The following ENTPD6 variants were observed in gnomAD, a reference collection of about 807,000 sequenced individuals.
ENTPD6 encodes the protein CD39 antigen-like 2.
Under a neutral mutation model 61.5 loss-of-function variants are expected in ENTPD6, and 46 were observed. The ratio of observed to expected loss-of-function variants is 0.75; its 90% CI spans 0.59 to 0.96. The LOEUF is 0.96. ENTPD6 is among the 40% of genes least tolerant of loss of function. ENTPD6 has a pLI of 0.00. For missense variants in ENTPD6, 612 were observed against 629.0 expected (o/e 0.97, Z 0.29); for synonymous variants, 252 against 255.5 (o/e 0.99, Z 0.13).
chr20:25,213,104 G>T (rs1303391524), intron 4 of ENTPD6, among the ~76,000 whole-genome samples, 159 bp from the exon 5 acceptor site: 2 of 152,200 alleles, frequency 1.3e-5, no homozygotes, highest in African/African-American at 2.4e-5. Context: ...GGAATTCAAG[G>T]CTGCAAATGA....
At chr20:25,223,868 C>T (rs2092715943) in intron 12 of ENTPD6, 1 of 396,938 alleles carries the variant, frequency 2.5e-6, no homozygotes, top group Non-Finnish European at 4.5e-6. Flanking sequence ...TCGGGGGACA[C>T]TGCAGGGTTG....
chr20:25,220,087 C>T (rs2092562946), intron 10 of ENTPD6, among the ~76,000 whole-genome samples: 1 of 152,086 alleles, frequency 6.6e-6, no homozygotes, highest in Non-Finnish European at 1.5e-5. Flanking sequence ...ATGGTCTCCT[C>T]GTCAGGCTGT....
At chr20:25,208,299 T>C (rs1306014772) in intron 3 of ENTPD6, among the ~76,000 whole-genome samples, 3 of 152,344 alleles carry the variant, frequency 2.0e-5, no homozygotes, top group Non-Finnish European at 4.4e-5. Context: ...TATCTGCTTA[T>C]CTCTAAAAGT....
In ENTPD6 at chr20:25,221,240, G is replaced by A. The variant is rs1489129806; in HGVS notation, c.952G>A (p.Gly318Arg). The A allele has an allele frequency of 6.2e-7, 1 of 1,612,838 alleles. No homozygotes were observed. The highest frequency in any genetic ancestry group is 1.7e-5 in the Admixed American group (1 of 60,012). The change falls in exon 11 of 15, where the codon GGA becomes AGA. Residue 318 changes from glycine to arginine, a missense_variant. Transcript: ENST00000376652. ...GGVEGQPAKD[G>R]KELVSPCLSP... is the part of the protein sequence containing the mutation. Reference sequence around the variant, plus strand: ...TTTAATCTCTGTTTCAGCTAAGGATGGAAAGGAGTTGGTCAGCCCTTGCTT... The same window carrying A: ...TTTAATCTCTGTTTCAGCTAAGGATAGAAAGGAGTTGGTCAGCCCTTGCTT...
chr20:25,225,075 C>A, intron 13 of ENTPD6, 130 bp from the exon 14 acceptor site: 3 of 1,416,520 alleles, frequency 2.1e-6, no homozygotes, highest in Non-Finnish European at 2.8e-6. Flanking sequence ...CGCTCAGCTG[C>A]GGCCTTGTCT....
intron 10 of ENTPD6, among the ~76,000 whole-genome samples, chr20:25,220,995 C>G (rs1183173543): frequency 2.6e-5 from 4 of 152,226 alleles, no homozygotes; most frequent in African/African-American, 9.6e-5. Flanking sequence ...GGCCCAGTGC[C>G]TGGCACCCGG....
intron 12 of ENTPD6, 49 bp downstream of exon 12, chr20:25,223,027 C>CGGGGTGGGGGGGGCTGGGGGG: frequency 2.0e-6 from 1 of 490,374 alleles, no homozygotes. Context: ...CGGCAGGGGG[C>CGGGGTGGGGGGGGCTGGGGGG]GGGGGTGGAG....
chr20:25,204,189 G>T (rs373315806), intron 1 of ENTPD6, among the ~76,000 whole-genome samples: 1 of 152,294 alleles, frequency 6.6e-6, no homozygotes, highest in African/African-American at 2.4e-5. Flanking sequence ...CATGTGGCCA[G>T]AACTCCTGCT....
rs371563037 is a variant in ENTPD6, at chr20:25,225,563, A to G, written c.1421A>G (p.Asp474Gly). The G allele has an allele frequency of 2.5e-6, 4 of 1,613,286 alleles. No homozygotes were observed. In the African/African-American group the frequency reaches 5.4e-5, roughly 22 times the overall value. The change falls in exon 15 of 15, where the codon GAC becomes GGC. Residue 474 changes from aspartate (D) to glycine (G), a missense_variant. Physicochemically the swap from Asp to Gly is moderately conservative, Grantham distance 94. Coordinates refer to ENST00000376652, the MANE Select transcript of ENTPD6 (RefSeq NM_001247.5). ...WALGAIFHYI[D>G]SLNRQKSPAS Reference sequence around the variant, plus strand: ...CTGGGGGCCATTTTTCATTACATCGACTCCCTGAACAGACAGAAGAGTCCA... The same window carrying G: ...CTGGGGGCCATTTTTCATTACATCGGCTCCCTGAACAGACAGAAGAGTCCA...
intron 4 of ENTPD6, 78 bp from the exon 5 acceptor site, chr20:25,213,185 C>T: frequency 6.3e-7 from 1 of 1,585,002 alleles, no homozygotes; most frequent in Non-Finnish European, 8.6e-7. Context: ...CCAAAAAAAC[C>T]CAAAAGGGTG....
At chr20:25,196,429 CCTTCAGTGG>C (rs1038012519) in intron 1 of ENTPD6, among the ~76,000 whole-genome samples, 2 of 152,200 alleles carry the variant, frequency 1.3e-5, no homozygotes, top group African/African-American at 4.8e-5. Flanking sequence ...AGACTAGACT[CCTTCAGTGG>C]AAAACATTCA....
chr20:25,209,801 C>T, intron 3 of ENTPD6, 48 bp from the exon 4 acceptor site: 1 of 1,490,288 alleles, frequency 6.7e-7, no homozygotes. Context: ...TATGTGTTCT[C>T]CTGTGTGTAT....
intron 1 of ENTPD6, among the ~76,000 whole-genome samples, chr20:25,202,337 A>G (rs1054947648): frequency 6.6e-6 from 1 of 152,158 alleles, no homozygotes; most frequent in African/African-American, 2.4e-5. Flanking sequence ...TTTTTAATCT[A>G]TTCTGTCAAT....
chr20:25,225,072 C>A, intron 13 of ENTPD6, 133 bp from the exon 14 acceptor site: 2 of 1,411,532 alleles, frequency 1.4e-6, no homozygotes, highest in Non-Finnish European at 1.9e-6. Flanking sequence ...CTGCGCTCAG[C>A]TGCGGCCTTG....
chr20:25,200,273 C>G (rs1449164426), intron 1 of ENTPD6, among the ~76,000 whole-genome samples: 1 of 152,140 alleles, frequency 6.6e-6, no homozygotes, highest in African/African-American at 2.4e-5. Context: ...AAACAGATTG[C>G]TATTTTTGTG....
Position 25,221,381 on chromosome 20 carries a change from G to C in ENTPD6, c.1045+48G>C, listed in dbSNP as rs1258160023. On this transcript the variant is annotated intron_variant, in intron 11 of 14. Transcript: ENST00000376652. ...TTGGTTTCTGCGGGTGAGAGTGGTG[G>C]CCTCCTCTCCCCCTTGCCTTTCCCA... 2.1e-6 allele frequency: 3 copies of C among 1,407,574 alleles called. No homozygotes were observed. In the South Asian group the frequency reaches 3.5e-5, roughly 16 times the overall value. The allele number at this position is 1,407,574 out of a possible 1,614,324, so 87.2% of individuals were successfully genotyped here. A position where few individuals can be genotyped will look rare whatever the true frequency, so the allele number is the denominator to read the frequency against.
chr20:25,195,780 G>T lies in ENTPD6; in HGVS notation c.-103G>T. 8.7e-7 allele frequency: 1 copy of T among 1,146,286 alleles called. No homozygotes were observed. The allele number at this position is 1,146,286 out of a possible 1,614,324, so 71.0% of individuals were successfully genotyped here. On this transcript the variant is annotated 5_prime_UTR_variant, in exon 1 of 15. Transcript: ENST00000376652. The stretch of plus-strand genomic sequence containing the variant: ...GTGGAGGCCGGGGTGGCGCCGGCCG[G>T]GGCGGGGGAGCCCAAAAGACCGGCT...
At chr20:25,198,274 G>A (rs190971005) in intron 1 of ENTPD6, among the ~76,000 whole-genome samples, 41 of 152,222 alleles carry the variant, frequency 2.7e-4, no homozygotes, top group African/African-American at 8.9e-4. Context: ...TCAGGAGTTC[G>A]AGACCAGCCT....
In ENTPD6 at chr20:25,221,225, G is replaced by C; in HGVS notation, c.944-7G>C. The C allele has an allele frequency of 1.9e-6, 3 of 1,609,062 alleles. No homozygotes were observed. The highest frequency in any genetic ancestry group is 1.7e-4 in the Middle Eastern group (1 of 6,044). ...CCTTTCTCTTTCCTTTTTAATCTCTGTTTCAGCTAAGGATGGAAAGGAGTT... is the reference window on the plus strand; with the variant it reads ...CCTTTCTCTTTCCTTTTTAATCTCTCTTTCAGCTAAGGATGGAAAGGAGTT... On this transcript the variant is annotated splice_region_variant and splice_polypyrimidine_tract_variant and intron_variant, in intron 10 of 14. Coordinates refer to ENST00000376652, the MANE Select transcript of ENTPD6 (RefSeq NM_001247.5).
Sources: gnomAD v4.1 joint callset for allele counts (sites outside exome capture counted in the v4.1 genomes callset) on GRCh38, gnomAD v4.1.1 for gene constraint, MANE v1.5 for transcripts, NCBI Gene and HGNC (gene_info 2026-07-23, HGNC 2026-07-21) for gene names.